SLC24A4: variants seen among roughly 807,000 people sequenced by gnomAD.
The protein encoded by SLC24A4 is solute carrier family 24 member 4, also known as sodium/potassium/calcium exchanger 4.
SLC24A4 carries 53 observed loss-of-function variants against 79.0 expected under a neutral mutation model. The observed-to-expected ratio is 0.67, with a 90% CI of 0.54 to 0.84. SLC24A4 has a LOEUF of 0.84. SLC24A4 is among the 40% of genes least tolerant of loss of function. The pLI, the probability that SLC24A4 is intolerant of heterozygous loss-of-function variation, is 0.00. For missense variants in SLC24A4, 731 were observed against 822.0 expected, an observed-to-expected ratio of 0.89 and a Z score of 1.35; for synonymous variants, 323 against 323.8, an observed-to-expected ratio of 1.00 and a Z score of 0.03.
chr14:92,387,145 G>A (rs950442463), intron 2 of SLC24A4, among the ~76,000 whole-genome samples: 1 of 151,490 alleles, frequency 6.6e-6, no homozygotes, highest in Non-Finnish European at 1.5e-5. Flanking sequence ...ACTGGGCAGG[G>A]GGTACAGAGG....
chr14:92,470,875 T>A (rs1894405899), intron 12 of SLC24A4, among the ~76,000 whole-genome samples: 1 of 152,228 alleles, frequency 6.6e-6, no homozygotes, highest in South Asian at 2.1e-4. Flanking sequence ...GGTGGCAGGT[T>A]CCCTGAGAAA....
chr14:92,439,253 G>T (rs1892356379), intron 3 of SLC24A4, 82 bp from the exon 4 acceptor site: 1 of 1,199,988 alleles, frequency 8.3e-7, no homozygotes, highest in Non-Finnish European at 1.2e-6. Context: ...TGCCCTGGCA[G>T]CCTGGTTTGG....
chr14:92,439,424 C>CT lies in SLC24A4; in HGVS notation c.393+17dup, dbSNP rs1374037417. 6.2e-7 allele frequency: 1 copy of CT among 1,605,716 alleles called. No individual in the cohort carries two copies. The highest frequency in any genetic ancestry group is 1.3e-5 in the African/African-American group (1 of 74,746). On this transcript the variant is annotated intron_variant, in intron 4 of 16. Transcript: ENST00000532405. ...AGATCTGTGAGGTATGTGGAAGGGACTTGGGACACCTTGGTGAAGCCTTGA... is the reference window on the plus strand; with the variant it reads ...AGATCTGTGAGGTATGTGGAAGGGACTTTGGGACACCTTGGTGAAGCCTTGA...
intron 2 of SLC24A4, among the ~76,000 whole-genome samples, chr14:92,385,281 C>T (rs147959203): frequency 8.0e-4 from 121 of 152,100 alleles, no homozygotes; most frequent in Non-Finnish European, 1.6e-3. Flanking sequence ...CTGAGGTGGG[C>T]GGATCACGAG....
At chr14:92,349,685 G>A (rs998409051) in intron 2 of SLC24A4, among the ~76,000 whole-genome samples, 2 of 152,134 alleles carry the variant, frequency 1.3e-5, no homozygotes, top group African/African-American at 4.8e-5. Context: ...AACACCTCAA[G>A]GACCCCTCAC....
intron 2 of SLC24A4, among the ~76,000 whole-genome samples, chr14:92,403,998 G>A (rs2141770614): frequency 6.6e-6 from 1 of 152,322 alleles, no homozygotes; most frequent in South Asian, 2.1e-4. Context: ...TCTCTGAGAA[G>A]AATTGCATTT....
chr14:92,479,278 G>T (rs1472687798), intron 12 of SLC24A4, among the ~76,000 whole-genome samples: 3 of 152,124 alleles, frequency 2.0e-5, no homozygotes, highest in African/African-American at 7.2e-5. Flanking sequence ...TTGCAGTGAG[G>T]TGGGGAGGGG....
intron 11 of SLC24A4, 63 bp from the exon 12 acceptor site, chr14:92,456,341 T>A: frequency 6.4e-7 from 1 of 1,568,028 alleles, no homozygotes; most frequent in Non-Finnish European, 8.8e-7. Flanking sequence ...GGACCCAGCG[T>A]ATAGCAATAG....
At chr14:92,420,483 A>C (rs1465505161) in intron 2 of SLC24A4, among the ~76,000 whole-genome samples, 2 of 152,212 alleles carry the variant, frequency 1.3e-5, no homozygotes, top group African/African-American at 4.8e-5. Flanking sequence ...GTCTCAAAAA[A>C]AAAAAAATCT....
chr14:92,455,726 T>C (rs900668175), intron 11 of SLC24A4, among the ~76,000 whole-genome samples: 1 of 152,084 alleles, frequency 6.6e-6, no homozygotes, highest in Non-Finnish European at 1.5e-5. Context: ...TGTACTTTTT[T>C]TTTTTAGGAC....
chr14:92,365,922 G>A (rs1887810890), intron 2 of SLC24A4, among the ~76,000 whole-genome samples: 1 of 152,186 alleles, frequency 6.6e-6, no homozygotes, highest in Admixed American at 6.5e-5. Context: ...ACCACTCCAT[G>A]CTGCGTGTAC....
Position 92,456,563 on chromosome 14 carries a change from C to A in SLC24A4, c.1210C>A (p.Pro404Thr). Residue 404 changes from proline (P) to threonine (T), a missense_variant, in exon 12 of 17, where the codon CCA becomes ACA. By Grantham distance (38) the Pro-to-Thr change is conservative. Coordinates refer to ENST00000532405, the MANE Select transcript of SLC24A4 (RefSeq NM_153646.4). ...QPPPQPPPPE[P>T]EPVEADFLSP... ...GCCGCCACAGCCACCACCGCCAGAG[C>A]CAGAGCCGGTGGAGGCTGACTTCCT... 6.2e-7 allele frequency: 1 copy of A among 1,614,044 alleles called. No homozygotes were observed. Among genetic ancestry groups the A allele is most frequent in the Non-Finnish European group, 8.5e-7 (1 of 1,179,990 alleles).
chr14:92,391,108 G>A (rs1889435609), intron 2 of SLC24A4, among the ~76,000 whole-genome samples: 1 of 152,140 alleles, frequency 6.6e-6, no homozygotes, highest in African/African-American at 2.4e-5. Context: ...CTGGTCACGG[G>A]CCCCACCTAC....
intron 2 of SLC24A4, among the ~76,000 whole-genome samples, chr14:92,376,386 A>G (rs1320325550): frequency 6.6e-6 from 1 of 152,260 alleles, no homozygotes; most frequent in East Asian, 1.9e-4. Flanking sequence ...CCCCTTGGTC[A>G]CATGGGTGCA....
chr14:92,479,748 G>A (rs1894958306), intron 12 of SLC24A4, among the ~76,000 whole-genome samples: 1 of 152,172 alleles, frequency 6.6e-6, no homozygotes, highest in Non-Finnish European at 1.5e-5. Context: ...GCTCCCTACT[G>A]TTCTATTTTT....
chr14:92,397,539 G>A (rs1367900417), intron 2 of SLC24A4, among the ~76,000 whole-genome samples: 1 of 152,218 alleles, frequency 6.6e-6, no homozygotes, highest in African/African-American at 2.4e-5. Context: ...CTGGAGGAGG[G>A]GGCATCCTGT....
In SLC24A4 at chr14:92,362,246, C is replaced by T. The variant is rs143642906; in HGVS notation, c.241+36268C>T. Among the ~76,000 whole-genome samples, 447 of 128,064 alleles carry T rather than the reference C, an allele frequency of 3.5e-3. 3 individuals are homozygous for T. The highest frequency in any genetic ancestry group is 0.011 in the African/African-American group (413 of 36,876). 84.0% of individuals were successfully genotyped at this position (128,064 alleles called of 152,430 possible). ...TGTCCCTGTCCAGCCTTTTCCTCCC[C>T]GGCTCTTTGGGGTCTCTGGAGAGCC... On this transcript the variant is annotated intron_variant, in intron 2 of 16. Coordinates refer to ENST00000532405, the MANE Select transcript of SLC24A4 (RefSeq NM_153646.4).
At chr14:92,386,603 ATTAT>A (rs1278257055) in intron 2 of SLC24A4, among the ~76,000 whole-genome samples, 2 of 152,176 alleles carry the variant, frequency 1.3e-5, no homozygotes, top group Non-Finnish European at 2.9e-5. Context: ...AACCAGAATT[ATTAT>A]TTAAAGCCAA....
At chr14:92,438,600 A>AGAGT (rs1892311082) in intron 3 of SLC24A4, among the ~76,000 whole-genome samples, 1 of 152,188 alleles carries the variant, frequency 6.6e-6, no homozygotes, top group Admixed American at 6.5e-5. Context: ...CCTGGGTGGC[A>AGAGT]GAGTGAGACC....
Sources: gnomAD v4.1 joint callset for allele counts (sites outside exome capture counted in the v4.1 genomes callset) on GRCh38, gnomAD v4.1.1 for gene constraint, MANE v1.5 for transcripts, NCBI Gene and HGNC (gene_info 2026-07-23, HGNC 2026-07-21) for gene names.